Variants in STARD13 observed in about 807,000 individuals in gnomAD.
STARD13 encodes StAR related lipid transfer domain containing 13.
STARD13 carries 62 observed loss-of-function variants against 106.4 expected under a neutral mutation model. The ratio of observed to expected loss-of-function variants is 0.58; its 90% CI spans 0.48 to 0.72. The LOEUF (loss-of-function observed/expected upper bound fraction) is 0.72. Ranked by LOEUF, STARD13 falls within the 30% of genes least tolerant of loss-of-function variation. The pLI is 0.00. For synonymous variants in STARD13, 565 were observed against 553.0 expected, an observed-to-expected ratio of 1.02 and a Z score of -0.31; for missense variants, 1,387 against 1,424.0, an observed-to-expected ratio of 0.97 and a Z score of 0.42.
the STARD13 span, among the ~76,000 whole-genome samples, chr13:33,601,785 C>A: frequency 1.3e-5 from 2 of 152,096 alleles, no homozygotes; most frequent in African/African-American, 4.8e-5. Flanking sequence ...AGATCCCTGG[C>A]CTGACTCTGT....
chr13:33,227,780 C>T (rs939575295), intron 1 of STARD13, among the ~76,000 whole-genome samples: 2 of 152,070 alleles, frequency 1.3e-5, no homozygotes, highest in Non-Finnish European at 2.9e-5. Context: ...TTTCCTAGGA[C>T]AAGCACCATA....
chr13:33,336,061 C>A (rs999481521), intron 1 of STARD13, among the ~76,000 whole-genome samples: 11 of 152,200 alleles, frequency 7.2e-5, no homozygotes, highest in Non-Finnish European at 1.3e-4. Context: ...GGGCAGCTGG[C>A]ATGTCTGCAA....
At chr13:33,511,944 T>A in the STARD13 span, among the ~76,000 whole-genome samples, 1 of 152,150 alleles carries the variant, frequency 6.6e-6, no homozygotes, top group African/African-American at 2.4e-5. Flanking sequence ...ACAGCTCTTA[T>A]AGAAAAAAAA....
At chr13:33,300,248 G>T (rs1051397294) in intron 1 of STARD13, among the ~76,000 whole-genome samples, 9 of 152,174 alleles carry the variant, frequency 5.9e-5, no homozygotes, top group African/African-American at 1.9e-4. Context: ...GAAGCACTGA[G>T]ATATCGTAAT....
At chr13:33,425,038 G>A in the STARD13 span, among the ~76,000 whole-genome samples, 1 of 152,192 alleles carries the variant, frequency 6.6e-6, no homozygotes, top group South Asian at 2.1e-4. Context: ...TGTGAATGTT[G>A]ATGCTAAGAA....
intron 7 of STARD13, among the ~76,000 whole-genome samples, chr13:33,121,210 C>T (rs889314956): frequency 3.9e-5 from 6 of 152,206 alleles, no homozygotes; most frequent in African/African-American, 1.4e-4. Context: ...AGAGCTTCCC[C>T]TCTCGATCCT....
chr13:33,412,691 A>G, the STARD13 span, among the ~76,000 whole-genome samples: 3 of 152,226 alleles, frequency 2.0e-5, no homozygotes, highest in Admixed American at 1.3e-4. Flanking sequence ...TGAGTTGGAT[A>G]CAGTGACAAA....
At chr13:33,289,026 T>TTC (rs1000873981), upstream of STARD13, among the ~76,000 whole-genome samples, 1 of 152,198 alleles carries the variant, frequency 6.6e-6, no homozygotes, top group African/African-American at 2.4e-5. Flanking sequence ...AAGTGGCTAG[T>TTC]TCTCTCTCTG....
At chr13:33,637,508 T>C in the STARD13 span, among the ~76,000 whole-genome samples, 3 of 152,300 alleles carry the variant, frequency 2.0e-5, no homozygotes, top group East Asian at 5.8e-4. Flanking sequence ...AAGAATGCTG[T>C]TTCCATTGTG....
At chr13:33,543,246 T>C in the STARD13 span, among the ~76,000 whole-genome samples, 1 of 152,156 alleles carries the variant, frequency 6.6e-6, no homozygotes, top group Non-Finnish European at 1.5e-5. Context: ...CTGTAAAAGC[T>C]TTTGTTTCCT....
At chr13:33,116,652 T>C (rs1413585014) in intron 8 of STARD13, among the ~76,000 whole-genome samples, 1 of 152,248 alleles carries the variant, frequency 6.6e-6, no homozygotes, top group Admixed American at 6.5e-5. Flanking sequence ...TGATTAAATG[T>C]AAAAGACTCA....
At chr13:33,160,371 T>C (rs146554428) in intron 3 of STARD13, among the ~76,000 whole-genome samples, 1 of 152,294 alleles carries the variant, frequency 6.6e-6, no homozygotes, top group African/African-American at 2.4e-5. Context: ...GGTAAATAGT[T>C]GTGACCCTAT....
intron 4 of STARD13, chr13:33,138,617 G>A (rs1213072396): frequency 2.1e-5 from 5 of 235,634 alleles, no homozygotes; most frequent in East Asian, 2.7e-4. Flanking sequence ...AAATTTAGAC[G>A]TTAACTGGAG....
At chr13:33,189,022 G>C (rs988867259) in intron 1 of STARD13, among the ~76,000 whole-genome samples, 1 of 152,148 alleles carries the variant, frequency 6.6e-6, no homozygotes, top group Non-Finnish European at 1.5e-5. Context: ...TTTAGTGTCT[G>C]TCAGGTATAA....
At position 33,222,925 on chromosome 13, in the gene STARD13, G is replaced by C. The variant is rs547252836; in HGVS notation, c.170-55303C>G. On this transcript the variant is annotated intron_variant, in intron 1 of 13. Coordinates refer to ENST00000336934, the MANE Select transcript of STARD13 (RefSeq NM_178006.4). ...CCCAGGCTGACTTTTCCTAAGACTGGATTAATTTCTTGTTGGACCACTGGC... is the reference window on the plus strand; with the variant it reads ...CCCAGGCTGACTTTTCCTAAGACTGCATTAATTTCTTGTTGGACCACTGGC... 3.9e-5 allele frequency among the ~76,000 whole-genome samples: 6 copies of C among 152,310 alleles called. No individual in the cohort carries two copies. In the East Asian group the frequency reaches 1.2e-3, roughly 29 times the overall value.
chr13:33,184,037 T>TG (rs1429018607), intron 1 of STARD13, among the ~76,000 whole-genome samples: 2 of 152,218 alleles, frequency 1.3e-5, no homozygotes, highest in Non-Finnish European at 2.9e-5. Flanking sequence ...ATGAGTTTTT[T>TG]GGGGCACTGA....
chr13:33,429,792 G>A, the STARD13 span, among the ~76,000 whole-genome samples: 7 of 152,112 alleles, frequency 4.6e-5, no homozygotes, highest in Non-Finnish European at 8.8e-5. Flanking sequence ...GCTGGCAGGG[G>A]AGGAAATGAG....
the STARD13 span, among the ~76,000 whole-genome samples, chr13:33,608,679 T>C: frequency 1.3e-5 from 2 of 152,174 alleles, no homozygotes; most frequent in Non-Finnish European, 2.9e-5. Context: ...TAAATCCCTA[T>C]TTCATGATAT....
At chr13:33,269,295 C>T (rs2138351884) in intron 1 of STARD13, among the ~76,000 whole-genome samples, 1 of 152,250 alleles carries the variant, frequency 6.6e-6, no homozygotes, top group Non-Finnish European at 1.5e-5. Context: ...AACTTAAACA[C>T]GTTAAGGAAT....
Sources: gnomAD v4.1 joint callset for allele counts (sites outside exome capture counted in the v4.1 genomes callset) on GRCh38, gnomAD v4.1.1 for gene constraint, MANE v1.5 for transcripts, NCBI Gene and HGNC (gene_info 2026-07-23, HGNC 2026-07-21) for gene names.